MUC6: variants seen among roughly 807,000 people sequenced by gnomAD.
The protein encoded by MUC6 is mucin 6, oligomeric mucus/gel-forming (gene/pseudogene), also known as mucin-6.
A neutral mutation model predicts 201.5 loss-of-function variants in MUC6; 188 were observed. That is an observed-to-expected ratio of 0.93 (90% CI 0.83 to 1.05). The LOEUF is 1.05. Ranked by LOEUF, MUC6 falls within the 50% of genes least tolerant of loss-of-function variation. MUC6 has a pLI of 0.00. For synonymous variants in MUC6, 1,228 were observed against 1,389.4 expected (o/e 0.88, Z 2.58); for missense variants, 2,706 against 3,256.9 (o/e 0.83, Z 4.12).
chr11:1,028,735 G>A lies in MUC6; in HGVS notation c.1502C>T (p.Thr501Ile). The change falls in exon 13 of 33, where the codon ACC becomes ATC. Residue 501 changes from threonine to isoleucine, a missense_variant. This residue lies in a region of MUC6 where 1,850 missense variants were observed against 1,958.3 expected (regional missense o/e 0.94). Transcript: ENST00000421673. ...RQTSTHLQMA[T>I]SFGLELVVQL... ...GACCACGAGCTCCAGCCCGAAGCTG[G>A]TGGCCATCTGGAGGTGGGTGGACGT... The A allele has an allele frequency of 6.2e-7, 1 of 1,612,564 alleles. No homozygotes were observed. The highest frequency in any genetic ancestry group is 1.1e-5 in the South Asian group (1 of 91,044).
At position 1,018,119 on chromosome 11, in the gene MUC6, G is replaced by C. The variant is rs1246559758; in HGVS notation, c.4682C>G (p.Thr1561Ser). Residue 1561 changes from threonine to serine, a missense_variant, in exon 31 of 33, where the codon ACC becomes AGC. Thr to Ser is a moderately conservative substitution (Grantham distance 58). This residue lies in a region of MUC6 where 128 missense variants were observed against 206.5 expected (regional missense o/e 0.62). Coordinates refer to ENST00000421673, the MANE Select transcript of MUC6 (RefSeq NM_005961.3). ...STRTRTPVAH[T>S]NSATSSRPPP... The stretch of plus-strand genomic sequence containing the variant: ...TGGCCTGCTGCTGGTGGCTGAGTTG[G>C]TGTGGGCCACAGGGGTTCTGGTGCG... The C allele has an allele frequency of 6.2e-7, 1 of 1,613,696 alleles. No individual in the cohort carries two copies. Among genetic ancestry groups the C allele is most frequent in the Non-Finnish European group, 8.5e-7 (1 of 1,179,814 alleles).
rs542122557 is a variant in MUC6, at chr11:1,032,393, A to G, written c.116-340T>C. ...GTGTGTGTGTGTTGGAGGGCTGTGT[A>G]GGCGTGTGAGATATACACCTGCATG... is the stretch of plus-strand genomic sequence containing the variant. On this transcript the variant is annotated intron_variant, in intron 2 of 32. Coordinates refer to ENST00000421673, the MANE Select transcript of MUC6 (RefSeq NM_005961.3). Among the ~76,000 whole-genome samples, 11 of 151,434 alleles carry G rather than the reference A, an allele frequency of 7.3e-5. No individual in the cohort carries two copies. The South Asian group carries it at 2.3e-3, about 32-fold the overall frequency.
chr11:1,024,477 C>T (rs1246092047), intron 24 of MUC6, among the ~76,000 whole-genome samples: 1 of 152,212 alleles, frequency 6.6e-6, no homozygotes, highest in Non-Finnish European at 1.5e-5. Context: ...TACTGCGCCG[C>T]GATGGCCGGA....
intron 1 of MUC6, among the ~76,000 whole-genome samples, chr11:1,035,273 C>A (rs1483161563): frequency 1.3e-5 from 2 of 152,236 alleles, no homozygotes; most frequent in African/African-American, 2.4e-5. Flanking sequence ...ACAGCCCAGA[C>A]CTCCAGCCTC....
chr11:1,013,687 C>T, intron 32 of MUC6, 54 bp from the exon 33 acceptor site: 1 of 1,519,032 alleles, frequency 6.6e-7, no homozygotes, highest in African/African-American at 1.4e-5. Flanking sequence ...GGCATAAGGC[C>T]CCTCCCTCCC....
chr11:1,036,572 C>G (rs775475135), intron 1 of MUC6, 32 bp downstream of exon 1: 1 of 1,548,578 alleles, frequency 6.5e-7, no homozygotes, highest in Non-Finnish European at 8.7e-7. Flanking sequence ...CTGAGGGCAC[C>G]GCAGTGTCTG....
At position 1,033,050 on chromosome 11, in the gene MUC6, G is replaced by T. The variant is rs767794716; in HGVS notation, c.78C>A (p.Ser26Arg). The change falls in exon 2 of 33, where the codon AGC becomes AGA. Residue 26 changes from serine to arginine, a missense_variant. Ser to Arg is a moderately radical substitution (Grantham distance 110, BLOSUM62 -1). Coordinates refer to ENST00000421673, the MANE Select transcript of MUC6 (RefSeq NM_005961.3). This position sits in a 1 kb window ranked among gnomAD's most constrained non-coding sequence, Gnocchi z 5.6. ...SAGLANTSYT[S>R]PGLQRLKDSP... ...AGTCCTTCAGCCTCTGGAGGCCTGGGCTGGTGTAGGAGGTGTTAGCCAGAC... is the reference window on the plus strand; with the variant it reads ...AGTCCTTCAGCCTCTGGAGGCCTGGTCTGGTGTAGGAGGTGTTAGCCAGAC... The T allele has an allele frequency of 1.9e-6, 3 of 1,610,258 alleles. No individual in the cohort carries two copies. The South Asian group carries it at 3.3e-5, about 18-fold the overall frequency.
In MUC6 at chr11:1,026,146, G is replaced by A. The variant is rs149517925; in HGVS notation, c.2547-5C>T. 155 of 1,590,934 alleles carry A rather than the reference G, an allele frequency of 9.7e-5. No homozygotes were observed. In the African/African-American group the frequency reaches 1.2e-3, roughly 12 times the overall value. ...CACCTCCCCCTTGAGCAGGAGCTGT[G>A]GAGACAGCAGGTGTGGGTGGTGGGC... On this transcript the variant is annotated splice_region_variant and splice_polypyrimidine_tract_variant and intron_variant, in intron 20 of 32. Transcript: ENST00000421673.
Position 1,025,797 on chromosome 11 carries a change from C to T in MUC6, c.2799+8G>A, listed in dbSNP as rs1856942372. 6.2e-7 allele frequency: 1 copy of T among 1,608,230 alleles called. No individual in the cohort carries two copies. Among genetic ancestry groups the T allele is most frequent in the Admixed American group, 1.7e-5 (1 of 59,664 alleles). On this transcript the variant is annotated splice_region_variant and intron_variant, in intron 22 of 32. Coordinates refer to ENST00000421673, the MANE Select transcript of MUC6 (RefSeq NM_005961.3). ...TCCTGCCCTGCCAGAGTCTGCCCGG[C>T]TGCTCACCCCCAGGAAGATCTTGAT... is the stretch of plus-strand genomic sequence containing the variant.
rs1438659258 is a variant in MUC6 at position 1,016,181 on chromosome 11, G to A, written c.6620C>T (p.Thr2207Ile). ...LFPSSPAASTTIRATLPHTIS... is the reference protein window; with the variant it reads ...LFPSSPAASTIIRATLPHTIS... ...AGTGTGGGGGAGAGTGGCCCTAATG[G>A]TAGTAGAGGCAGCTGGAGAAGAAGG... Residue 2207 changes from threonine to isoleucine, a missense_variant, in exon 31 of 33, where the codon ACC becomes ATC. By Grantham distance (89) the Thr-to-Ile change is moderately conservative (BLOSUM62 -1). Around this residue, in one of 10 missense-constraint regions of MUC6, gnomAD observed 586 missense variants for 488.0 expected, o/e 1.20. Transcript: ENST00000421673. 5 of 1,613,380 alleles carry A rather than the reference G, an allele frequency of 3.1e-6. No individual in the cohort carries two copies. The highest frequency in any genetic ancestry group is 3.3e-5 in the Admixed American group (2 of 59,914).
chr11:1,021,357 C>T (rs1856802545), intron 26 of MUC6, 80 bp from the exon 27 acceptor site: 1 of 839,760 alleles, frequency 1.2e-6, no homozygotes, highest in Non-Finnish European at 1.7e-6. Context: ...TGGCGGCCTC[C>T]TTCCTCTCTG....
Position 1,029,563 on chromosome 11 carries a change from C to G in MUC6, c.1068G>C (p.Gln356His). Residue 356 changes from glutamine to histidine, a missense_variant, in exon 9 of 33, where the codon CAG becomes CAC. Around this residue, in one of 10 missense-constraint regions of MUC6, gnomAD observed 1,850 missense variants for 1,958.3 expected, o/e 0.94. Transcript: ENST00000421673. ...SNNHTCVPVT[Q>H]CPCVLHGAMY... ...TGGCGCCGTGGAGCACACAGGGGCA[C>G]TGGGTGACGGGCACGCAGGTGTGGT... 1 of 1,611,074 alleles carries G rather than the reference C, an allele frequency of 6.2e-7. No homozygotes were observed. Among genetic ancestry groups the G allele is most frequent in the South Asian group, 1.1e-5 (1 of 90,862 alleles).
At chr11:1,030,142 T>C in intron 8 of MUC6, 71 bp downstream of exon 8, 1 of 1,463,544 alleles carries the variant, frequency 6.8e-7, no homozygotes, top group Middle Eastern at 2.1e-4. Context: ...GTGGGTGGGG[T>C]CTGACGTCCC....
In MUC6 at chr11:1,019,442, G is replaced by A; in HGVS notation, c.3863C>T (p.Pro1288Leu). 6.2e-7 allele frequency: 1 copy of A among 1,613,924 alleles called. No individual in the cohort carries two copies. The highest frequency in any genetic ancestry group is 8.5e-7 in the Non-Finnish European group (1 of 1,179,874). Residue 1288 changes from proline (P) to leucine (L), a missense_variant, in exon 30 of 33, where the codon CCC becomes CTC. Pro to Leu is a moderately conservative substitution (Grantham distance 98). Around this residue, in one of 10 missense-constraint regions of MUC6, gnomAD observed 1,850 missense variants for 1,958.3 expected, o/e 0.94. Transcript: ENST00000421673. ...GGCTGTCGATCTCAGTGTGGCTGTG[G>A]GAGGCAGCCCTGATGTGGCTTGTGG... ...VTPQATSGLP[P>L]TATLRSTATK... is the part of the protein sequence containing the mutation.
intron 27 of MUC6, among the ~76,000 whole-genome samples, chr11:1,020,990 CCAGTGGGGTT>C (rs1425281548): frequency 1.3e-5 from 2 of 152,142 alleles, no homozygotes; most frequent in Non-Finnish European, 2.9e-5. Flanking sequence ...ATGGGAGGGC[CCAGTGGGGTT>C]CAGTGCTGTG....
rs1449731472 is a variant in MUC6 at position 1,029,342 on chromosome 11, C to T, written c.1161G>A (p.Val387=). ...GTCCGGGGCACGGCCGCTCCGTGCA[C>T]ACCCAGCGGCCCAGGGTGCACCGGC... ...QTCRCTLGRW[V]CTERPCPGHC... Residue 387 remains valine (V), a synonymous_variant, in exon 10 of 33, where the codon GTG becomes GTA. Coordinates refer to ENST00000421673, the MANE Select transcript of MUC6 (RefSeq NM_005961.3). 6.2e-7 allele frequency: 1 copy of T among 1,602,524 alleles called. No individual in the cohort carries two copies. Among genetic ancestry groups the T allele is most frequent in the Non-Finnish European group, 8.5e-7 (1 of 1,175,322 alleles).
intron 31 of MUC6, among the ~76,000 whole-genome samples, chr11:1,014,384 A>G (rs114345191): frequency 0.021 from 3,230 of 152,286 alleles, 128 homozygotes; most frequent in African/African-American, 0.074. Context: ...CAGGACCTGC[A>G]GGGGGGCCGA....
At position 1,033,022 on chromosome 11, in the gene MUC6, G is replaced by A; in HGVS notation, c.106C>T (p.Pro36Ser). ...GCCGCTGTGTTCTTACCTGTCTGTG[G>A]AGAGTCCTTCAGCCTCTGGAGGCCT... is the stretch of plus-strand genomic sequence containing the variant. ...SPGLQRLKDS[P>S]QTAPDKGQCS... The change falls in exon 2 of 33, where the codon CCA (proline) becomes TCA (serine). Residue 36 changes from proline to serine, a missense_variant. By Grantham distance (74) the Pro-to-Ser change is moderately conservative (BLOSUM62 -1). Transcript: ENST00000421673. This position sits in a 1 kb window ranked among gnomAD's most constrained non-coding sequence, Gnocchi z 5.6. 10 of 1,602,168 alleles carry A rather than the reference G, an allele frequency of 6.2e-6. No homozygotes were observed. The highest frequency in any genetic ancestry group is 7.7e-6 in the Non-Finnish European group (9 of 1,170,948).
intron 28 of MUC6, 149 bp downstream of exon 28, chr11:1,020,535 C>T: frequency 7.9e-7 from 1 of 1,260,780 alleles, no homozygotes; most frequent in Non-Finnish European, 1.1e-6. Flanking sequence ...TGAGCTCCTC[C>T]CCAACTCTGA....
Sources: gnomAD v4.1 joint callset for allele counts (sites outside exome capture counted in the v4.1 genomes callset) on GRCh38, gnomAD v4.1.1 for gene constraint, gnomAD v4.1.1 regional missense constraint, Gnocchi (gnomAD v3.1) non-coding constraint, MANE v1.5 for transcripts, NCBI Gene and HGNC (gene_info 2026-07-23, HGNC 2026-07-21) for gene names.